The following TENM3 variants were observed in gnomAD, a reference collection of about 807,000 sequenced individuals.
The protein encoded by TENM3 is teneurin-3.
Under a neutral mutation model 255.1 loss-of-function variants are expected in TENM3, and 63 were observed. That is an observed-to-expected ratio of 0.25 (90% CI 0.20 to 0.30). TENM3 has a LOEUF of 0.30. Among genes scored for constraint, TENM3 ranks in the 10% least tolerant of loss-of-function variants. The probability of loss-of-function intolerance (pLI) is 1.00; values close to 1 mark genes in which losing one functional copy is unlikely to be tolerated. For missense variants in TENM3, 2,929 were observed against 3,461.1 expected, an observed-to-expected ratio of 0.85 and a Z score of 3.86; for synonymous variants, 1,306 against 1,322.3, an observed-to-expected ratio of 0.99 and a Z score of 0.27.
the TENM3 span, among the ~76,000 whole-genome samples, chr4:181,882,332 C>G: frequency 2.6e-5 from 4 of 152,196 alleles, no homozygotes; most frequent in Admixed American, 2.6e-4. Flanking sequence ...ACTTTGTGTA[C>G]TCTTGGACTT....
At chr4:181,930,976 T>A in the TENM3 span, among the ~76,000 whole-genome samples, 1 of 152,218 alleles carries the variant, frequency 6.6e-6, no homozygotes. Flanking sequence ...CTCTTCATGC[T>A]AAAAACTCTC....
chr4:182,027,139 T>C, the TENM3 span, among the ~76,000 whole-genome samples: 41 of 152,234 alleles, frequency 2.7e-4, 1 homozygote, highest in South Asian at 5.4e-3. Context: ...CAGCAGTTTA[T>C]AGTTTTCATT....
At chr4:181,541,348 G>T in the TENM3 span, among the ~76,000 whole-genome samples, 1 of 152,088 alleles carries the variant, frequency 6.6e-6, no homozygotes, top group Non-Finnish European at 1.5e-5. Flanking sequence ...CACTCCCACT[G>T]CCCTCCAGCC....
At chr4:182,342,092 G>T (rs899481030) in intron 2 of TENM3, among the ~76,000 whole-genome samples, 9 of 152,160 alleles carry the variant, frequency 5.9e-5, no homozygotes, top group Non-Finnish European at 7.3e-5. Context: ...GCCTCAAAAG[G>T]TTCAATACAG....
At chr4:181,498,742 G>A in the TENM3 span, among the ~76,000 whole-genome samples, 20 of 152,248 alleles carry the variant, frequency 1.3e-4, no homozygotes, top group East Asian at 1.9e-4. Context: ...TCATGAACAC[G>A]AAAATTCATC....
At chr4:181,861,957 C>G in the TENM3 span, among the ~76,000 whole-genome samples, 1 of 152,026 alleles carries the variant, frequency 6.6e-6, no homozygotes, top group Non-Finnish European at 1.5e-5. Flanking sequence ...TGCTTTGAGT[C>G]TCTATGAGAA....
chr4:182,627,896 C>T lies in TENM3; in HGVS notation c.750-755C>T, dbSNP rs766840280. Reference sequence around the variant, plus strand: ...ACAGTTTGCTCTCTGTTGTATGGCTCGGTGGTTAGGGAATGTTTCCGTATT... The same window carrying T: ...ACAGTTTGCTCTCTGTTGTATGGCTTGGTGGTTAGGGAATGTTTCCGTATT... On this transcript the variant is annotated intron_variant, in intron 4 of 27. Transcript: ENST00000511685. Among the ~76,000 whole-genome samples, 4 of 152,032 alleles carry T rather than the reference C, an allele frequency of 2.6e-5. No homozygotes were observed. The South Asian group carries it at 6.3e-4, about 24-fold the overall frequency.
the TENM3 span, among the ~76,000 whole-genome samples, chr4:181,893,700 A>C: frequency 1.4e-3 from 209 of 152,178 alleles, 1 homozygote; most frequent in African/African-American, 4.7e-3. Context: ...TTTTGTTAGT[A>C]TTTGGTCCTG....
chr4:181,986,918 T>C, the TENM3 span, among the ~76,000 whole-genome samples: 1 of 152,154 alleles, frequency 6.6e-6, no homozygotes, highest in Non-Finnish European at 1.5e-5. Context: ...CTCCAAACTA[T>C]GAACAGTACT....
At chr4:182,530,143 A>G (rs1739623037) in intron 3 of TENM3, among the ~76,000 whole-genome samples, 1 of 152,234 alleles carries the variant, frequency 6.6e-6, no homozygotes, top group African/African-American at 2.4e-5. Flanking sequence ...TTCATCTCAT[A>G]GTCAGAGACT....
At chr4:182,386,456 G>A (rs1228792319) in intron 3 of TENM3, among the ~76,000 whole-genome samples, 2 of 152,258 alleles carry the variant, frequency 1.3e-5, no homozygotes, top group Non-Finnish European at 2.9e-5. Flanking sequence ...TTCCCACTTT[G>A]GCGGCACTTG....
At chr4:182,602,408 A>G (rs923530258) in intron 4 of TENM3, among the ~76,000 whole-genome samples, 4 of 152,230 alleles carry the variant, frequency 2.6e-5, no homozygotes, top group Non-Finnish European at 5.9e-5. Flanking sequence ...GTGTCTCACA[A>G]TGAATACATT....
chr4:181,696,731 A>G, the TENM3 span, among the ~76,000 whole-genome samples: 2 of 152,168 alleles, frequency 1.3e-5, no homozygotes, highest in Non-Finnish European at 2.9e-5. Context: ...GTTTCATTCT[A>G]TGTACGAGGG....
At chr4:182,570,484 A>G (rs1466502126) in intron 3 of TENM3, among the ~76,000 whole-genome samples, 1 of 152,348 alleles carries the variant, frequency 6.6e-6, no homozygotes, top group South Asian at 2.1e-4. Context: ...TCTGTGGAAA[A>G]TCAGTCAGCT....
the TENM3 span, among the ~76,000 whole-genome samples, chr4:181,800,192 T>C: frequency 5.3e-5 from 8 of 152,210 alleles, no homozygotes; most frequent in Admixed American, 2.6e-4. Flanking sequence ...CCTAACCGTG[T>C]AATGACCTAA....
chr4:181,929,540 T>G, the TENM3 span, among the ~76,000 whole-genome samples: 5 of 152,088 alleles, frequency 3.3e-5, no homozygotes, highest in Admixed American at 6.6e-5. Flanking sequence ...AGAAAGTGCT[T>G]AGAGAACTAC....
intron 3 of TENM3, among the ~76,000 whole-genome samples, chr4:182,502,831 G>A (rs1736445999): frequency 6.7e-6 from 1 of 149,664 alleles, no homozygotes. Context: ...GATGCTAAGG[G>A]TTAATTTGTA....
intron 4 of TENM3, among the ~76,000 whole-genome samples, chr4:182,624,982 C>T (rs901341559): frequency 6.6e-6 from 1 of 152,042 alleles, no homozygotes; most frequent in African/African-American, 2.4e-5. Context: ...CAAGTAGTAA[C>T]GTCTGAGCTG....
At chr4:182,526,867 T>C (rs2151817546) in intron 3 of TENM3, among the ~76,000 whole-genome samples, 1 of 152,342 alleles carries the variant, frequency 6.6e-6, no homozygotes, top group East Asian at 1.9e-4. Context: ...ATCTATGTGA[T>C]GATAGTCTTG....
Sources: allele counts gnomAD v4.1 joint callset (sites outside exome capture counted in the v4.1 genomes callset), GRCh38; gene constraint gnomAD v4.1.1; transcripts MANE v1.5; gene names NCBI Gene and HGNC (gene_info 2026-07-23, HGNC 2026-07-21).